The following SLC35F4 variants were observed in gnomAD, a reference collection of about 807,000 sequenced individuals.
SLC35F4 encodes the protein chromosome 14 open reading frame 36.
SLC35F4 carries 24 observed loss-of-function variants against 44.2 expected under a neutral mutation model. The ratio of observed to expected loss-of-function variants is 0.54; its 90% confidence interval spans 0.39 to 0.76. The LOEUF is 0.76. Among genes scored for constraint, SLC35F4 ranks in the 30% least tolerant of loss-of-function variants. The probability of loss-of-function intolerance (pLI) is 0.00; values close to 1 mark genes in which losing one functional copy is unlikely to be tolerated. For missense variants in SLC35F4, 562 were observed against 586.1 expected (o/e 0.96, Z 0.42); for synonymous variants, 238 against 223.6 (o/e 1.06, Z -0.57).
intron 1 of SLC35F4, among the ~76,000 whole-genome samples, chr14:57,669,411 T>A (rs1399480474): frequency 1.3e-5 from 2 of 152,122 alleles, no homozygotes; most frequent in East Asian, 3.8e-4. Flanking sequence ...CTTGTGCCAG[T>A]TTTGAAAAGG....
intron 1 of SLC35F4, among the ~76,000 whole-genome samples, chr14:57,888,206 A>G (rs1348927003): frequency 6.6e-6 from 1 of 152,174 alleles, no homozygotes; most frequent in Non-Finnish European, 1.5e-5. Flanking sequence ...CAGACCAACT[A>G]CTAAGAAACA....
chr14:57,589,522 AG>A lies in SLC35F4; in HGVS notation c.290-10del. 6.3e-7 allele frequency: 1 copy of A among 1,592,728 alleles called. No homozygotes were observed. The highest frequency in any genetic ancestry group is 8.5e-7 in the Non-Finnish European group (1 of 1,171,392). On this transcript the variant is annotated splice_polypyrimidine_tract_variant and intron_variant, in intron 2 of 7. Transcript: ENST00000556826. The stretch of plus-strand genomic sequence containing the variant: ...CTGTGTCCCATCGTCTGCTGGAAAC[AG>A]GAAAGGAATACAAATGTGAGGAAAG...
At chr14:57,888,891 C>A (rs1888705161) in intron 1 of SLC35F4, among the ~76,000 whole-genome samples, 1 of 152,064 alleles carries the variant, frequency 6.6e-6, no homozygotes, top group Admixed American at 6.5e-5. Flanking sequence ...TGAAAATATA[C>A]CAAATATAAA....
chr14:57,588,124 G>T (rs1414276602), intron 3 of SLC35F4, among the ~76,000 whole-genome samples: 1 of 152,162 alleles, frequency 6.6e-6, no homozygotes, highest in Non-Finnish European at 1.5e-5. Context: ...CTGAGATCGT[G>T]CCACTGCACT....
chr14:57,799,397 A>G (rs2140845926), intron 1 of SLC35F4: 1 of 152,358 alleles, frequency 6.6e-6, no homozygotes, highest in South Asian at 2.1e-4. Flanking sequence ...ATACACAGAG[A>G]CCTAGGAGTT....
chr14:57,721,782 C>T (rs2076090306), intron 1 of SLC35F4, among the ~76,000 whole-genome samples: 3 of 152,298 alleles, frequency 2.0e-5, no homozygotes, highest in South Asian at 4.1e-4. Context: ...GAAACAGCTT[C>T]CCCATCCCCA....
chr14:57,660,698 G>A (rs548184543), intron 1 of SLC35F4, among the ~76,000 whole-genome samples: 1 of 152,188 alleles, frequency 6.6e-6, no homozygotes, highest in Non-Finnish European at 1.5e-5. Flanking sequence ...TGCTCTGGGG[G>A]AAGCCAGCTG....
In SLC35F4 at chr14:57,918,334, C is replaced by T. The variant is rs117617769; in HGVS notation, n.282+63579G>A. Among the ~76,000 whole-genome samples, 536 of 152,288 alleles carry T rather than the reference C, an allele frequency of 3.5e-3. 3 individuals carry two copies. Among genetic ancestry groups the T allele is most frequent in the Middle Eastern group, 0.017 (5 of 294 alleles). ...GAATTACAGTTCAGTTTTCCTACCC[C>T]AGTACTGACTCCTCTGAAGATTCCT... is the stretch of plus-strand genomic sequence containing the variant. On this transcript the variant is annotated intron_variant and non_coding_transcript_variant, in intron 1 of 1. Coordinates refer to the SLC35F4 transcript ENST00000556568.
At chr14:57,702,330 T>TA in intron 1 of SLC35F4, among the ~76,000 whole-genome samples, 1 of 66,022 alleles carries the variant, frequency 1.5e-5, no homozygotes, top group Non-Finnish European at 3.1e-5. Flanking sequence ...ATCATTTTCT[T>TA]TAAAAAAAAA....
chr14:57,936,420 C>T (rs1281795774), intron 1 of SLC35F4, among the ~76,000 whole-genome samples: 1 of 152,164 alleles, frequency 6.6e-6, no homozygotes, highest in Non-Finnish European at 1.5e-5. Flanking sequence ...CCCCTCAAAA[C>T]ATTCTGCAAA....
At chr14:57,728,883 A>G (rs1348565653) in intron 1 of SLC35F4, among the ~76,000 whole-genome samples, 2 of 152,122 alleles carry the variant, frequency 1.3e-5, no homozygotes, top group East Asian at 3.8e-4. Context: ...TGTTTGTCTG[A>G]GGTTTTTATT....
At chr14:57,680,963 C>T (rs2074879486) in intron 1 of SLC35F4, among the ~76,000 whole-genome samples, 1 of 152,006 alleles carries the variant, frequency 6.6e-6, no homozygotes, top group Non-Finnish European at 1.5e-5. Context: ...TTTATAAATT[C>T]AATGTTCTTC....
chr14:57,598,961 C>T (rs958706316), intron 1 of SLC35F4, among the ~76,000 whole-genome samples: 23 of 151,744 alleles, frequency 1.5e-4, no homozygotes, highest in Admixed American at 1.5e-3. Context: ...TAATATGTAC[C>T]CTGAAAAGGC....
chr14:57,873,299 A>G (rs1036613660), intron 1 of SLC35F4, among the ~76,000 whole-genome samples: 10 of 152,288 alleles, frequency 6.6e-5, no homozygotes, highest in African/African-American at 2.4e-4. Context: ...CTGAACGCCA[A>G]GGGGGAAAAG....
intron 1 of SLC35F4, among the ~76,000 whole-genome samples, chr14:57,928,058 G>GAA (rs376481674): frequency 2.8e-5 from 4 of 144,908 alleles, no homozygotes; most frequent in Non-Finnish European, 4.6e-5. Flanking sequence ...CACCACAGAA[G>GAA]AAAAAAAAAA....
chr14:57,745,880 T>C (rs1193872523), intron 1 of SLC35F4, among the ~76,000 whole-genome samples: 2 of 152,166 alleles, frequency 1.3e-5, no homozygotes, highest in Admixed American at 6.5e-5. Flanking sequence ...GTGGCACATA[T>C]ACACCATGGA....
intron 1 of SLC35F4, among the ~76,000 whole-genome samples, chr14:57,781,296 C>A (rs2077615281): frequency 6.6e-6 from 1 of 152,006 alleles, no homozygotes; most frequent in Non-Finnish European, 1.5e-5. Context: ...TACATGTGCC[C>A]AACAAGCATA....
intron 1 of SLC35F4, among the ~76,000 whole-genome samples, chr14:57,669,010 C>G (rs1167934657): frequency 6.6e-6 from 1 of 152,030 alleles, no homozygotes; most frequent in African/African-American, 2.4e-5. Flanking sequence ...TTTCATTGAG[C>G]AGTGGTTTGT....
intron 3 of SLC35F4, among the ~76,000 whole-genome samples, chr14:57,587,994 T>C (rs1243267176): frequency 6.6e-6 from 1 of 152,042 alleles, no homozygotes; most frequent in Non-Finnish European, 1.5e-5. Flanking sequence ...AAGAGCAGTC[T>C]AGCCAACATG....
Sources: gnomAD v4.1 joint callset for allele counts (sites outside exome capture counted in the v4.1 genomes callset) on GRCh38, gnomAD v4.1.1 for gene constraint, MANE v1.5 for transcripts, NCBI Gene and HGNC (gene_info 2026-07-23, HGNC 2026-07-21) for gene names.